Variants in GALM observed in about 807,000 individuals in gnomAD.
The protein encoded by GALM is aldose 1-epimerase.
A neutral mutation model predicts 37.4 loss-of-function variants in GALM; 43 were observed. The observed-to-expected ratio is 1.15, with a 90% confidence interval of 0.90 to 1.48. The LOEUF (loss-of-function observed/expected upper bound fraction) is 1.48. Among genes scored for constraint, GALM ranks in the 40% most tolerant of loss-of-function variants. The probability of loss-of-function intolerance (pLI) is 0.00; values close to 1 mark genes in which losing one functional copy is unlikely to be tolerated. For synonymous variants in GALM, 199 were observed against 170.6 expected (o/e 1.17, Z -1.30); for missense variants, 456 against 419.1 (o/e 1.09, Z -0.77).
At chr2:38,718,689 C>T (rs1009002319) in intron 4 of GALM, among the ~76,000 whole-genome samples, 2 of 151,588 alleles carry the variant, frequency 1.3e-5, no homozygotes, top group Non-Finnish European at 1.5e-5. Flanking sequence ...TGGTTTTATT[C>T]CTGCACTGTC....
intron 4 of GALM, among the ~76,000 whole-genome samples, chr2:38,702,695 C>T (rs1665943463): frequency 6.6e-6 from 1 of 151,962 alleles, no homozygotes; most frequent in Non-Finnish European, 1.5e-5. Flanking sequence ...AGGATTTAGT[C>T]ACAGATCCAA....
chr2:38,720,376 T>C (rs1386688820), intron 4 of GALM, among the ~76,000 whole-genome samples: 3 of 139,540 alleles, frequency 2.1e-5, no homozygotes, highest in Non-Finnish European at 4.5e-5. Context: ...CAAGGATTAA[T>C]GTTCTTAAGG....
intron 4 of GALM, among the ~76,000 whole-genome samples, chr2:38,728,325 C>T (rs1420185719): frequency 6.6e-6 from 1 of 151,150 alleles, no homozygotes; most frequent in Non-Finnish European, 1.5e-5. Context: ...ACCTGGGAGG[C>T]AGAGGTGGCA....
chr2:38,719,146 C>A (rs562017061), intron 4 of GALM, among the ~76,000 whole-genome samples: 18 of 151,920 alleles, frequency 1.2e-4, no homozygotes, highest in Non-Finnish European at 2.4e-4. Flanking sequence ...TCCTGCACCT[C>A]GTCAGTTAGC....
intron 3 of GALM, among the ~76,000 whole-genome samples, chr2:38,684,694 C>A (rs773277321): frequency 6.6e-6 from 1 of 152,134 alleles, no homozygotes; most frequent in Non-Finnish European, 1.5e-5. Context: ...GCAATCCCAG[C>A]TAATCAGGAG....
chr2:38,720,138 G>A (rs980492771), intron 4 of GALM, among the ~76,000 whole-genome samples: 2 of 152,062 alleles, frequency 1.3e-5, no homozygotes, highest in African/African-American at 2.4e-5. Context: ...CCTGAGCCCA[G>A]GGAGGTCAAG....
At chr2:38,682,462 G>C (rs1558580555) in intron 3 of GALM, among the ~76,000 whole-genome samples, 1 of 152,112 alleles carries the variant, frequency 6.6e-6, no homozygotes, top group Admixed American at 6.6e-5. Flanking sequence ...CTGATGATCT[G>C]CTGGATTCTG....
intron 2 of GALM, among the ~76,000 whole-genome samples, chr2:38,679,855 G>C (rs907762624): frequency 2.6e-5 from 4 of 152,180 alleles, no homozygotes; most frequent in African/African-American, 9.7e-5. Context: ...TGTCTGTGAA[G>C]TTTGTAGCAA....
At position 38,675,903 on chromosome 2, in the gene GALM, T is replaced by C. The variant is rs1271188556; in HGVS notation, c.191-9T>C. 6.2e-7 allele frequency: 1 copy of C among 1,613,794 alleles called. No individual in the cohort carries two copies. The highest frequency in any genetic ancestry group is 2.2e-5 in the East Asian group (1 of 44,868). ...GTTTTAAAAGTGCTGTCATCCCTTG[T>C]CCTTGCAGGATACCTCCAAAAGCAG... On this transcript the variant is annotated splice_polypyrimidine_tract_variant and intron_variant, in intron 1 of 6. Transcript: ENST00000272252.
chr2:38,688,414 G>A (rs1665593504), intron 3 of GALM, among the ~76,000 whole-genome samples: 1 of 152,012 alleles, frequency 6.6e-6, no homozygotes, highest in South Asian at 2.1e-4. Context: ...GGGAGGCCGA[G>A]GCAGGAGAAT....
intron 4 of GALM, chr2:38,698,347 C>A (rs775030035): frequency 7.7e-7 from 1 of 1,299,394 alleles, no homozygotes; most frequent in South Asian, 1.2e-5. Context: ...ACAGGTGCTT[C>A]TTTCCTGTCC....
chr2:38,725,936 T>G (rs558800504), intron 4 of GALM, among the ~76,000 whole-genome samples: 21 of 151,880 alleles, frequency 1.4e-4, no homozygotes, highest in Non-Finnish European at 2.9e-4. Flanking sequence ...GGTCTCAAAC[T>G]CCTGACCTCA....
At chr2:38,720,414 TAA>T (rs34372976) in intron 4 of GALM, among the ~76,000 whole-genome samples, 31,857 of 92,492 alleles carry the variant, frequency 0.34, 5,751 homozygotes, top group African/African-American at 0.45. Context: ...ACTTCTATGT[TAA>T]AAAAAAAAAA....
At chr2:38,688,249 C>G (rs928339154) in intron 3 of GALM, among the ~76,000 whole-genome samples, 23 of 151,672 alleles carry the variant, frequency 1.5e-4, no homozygotes, top group Admixed American at 1.1e-3. Context: ...CGGTGACTCA[C>G]ACCTGTAATC....
intron 4 of GALM, among the ~76,000 whole-genome samples, chr2:38,693,853 A>T (rs1245965719): frequency 6.6e-6 from 1 of 152,206 alleles, no homozygotes; most frequent in Non-Finnish European, 1.5e-5. Context: ...GCTCTTAAGT[A>T]GACCTGCACT....
chr2:38,687,923 A>G (rs1306306627), intron 3 of GALM, among the ~76,000 whole-genome samples: 1 of 151,858 alleles, frequency 6.6e-6, no homozygotes, highest in Non-Finnish European at 1.5e-5. Flanking sequence ...TCTCAAAAAA[A>G]CCAGTCGGCC....
At chr2:38,689,988 A>G in intron 4 of GALM, 94 bp downstream of exon 4, 1 of 706,260 alleles carries the variant, frequency 1.4e-6, no homozygotes, top group South Asian at 1.7e-5. Flanking sequence ...TGAAATCTTA[A>G]TAAAGTCTAC....
chr2:38,731,861 C>A lies in GALM; in HGVS notation c.903C>A (p.His301Gln). The change falls in exon 6 of 7, where the codon CAC (histidine) becomes CAA (glutamine). Residue 301 changes from histidine to glutamine, a missense_variant. His to Gln is a conservative substitution (Grantham distance 24). Coordinates refer to ENST00000272252, the MANE Select transcript of GALM (RefSeq NM_138801.3). ...AGAATGGAGCTGTCTATCCCAAGCA[C>A]TCCGGTTTCTGCCTGGAGACTCAGA... ...KGKNGAVYPK[H>Q]SGFCLETQNW... 6.2e-7 allele frequency: 1 copy of A among 1,614,182 alleles called. No individual in the cohort carries two copies. The highest frequency in any genetic ancestry group is 1.1e-5 in the South Asian group (1 of 91,086).
intron 4 of GALM, among the ~76,000 whole-genome samples, chr2:38,714,665 G>A (rs547150176): frequency 6.6e-6 from 1 of 152,234 alleles, no homozygotes; most frequent in African/African-American, 2.4e-5. Context: ...CAAACAAAAA[G>A]AAGAAAAACA....
Sources: gnomAD v4.1 joint callset for allele counts (sites outside exome capture counted in the v4.1 genomes callset) on GRCh38, gnomAD v4.1.1 for gene constraint, MANE v1.5 for transcripts, NCBI Gene and HGNC (gene_info 2026-07-23, HGNC 2026-07-21) for gene names.